ARHGAP35: variants seen among roughly 807,000 people sequenced by gnomAD.
ARHGAP35 encodes the protein rho GTPase-activating protein 35.
A neutral mutation model predicts 111.1 loss-of-function variants in ARHGAP35; 15 were observed. The observed-to-expected ratio is 0.13, with a 90% confidence interval of 0.09 to 0.21. The LOEUF (loss-of-function observed/expected upper bound fraction) is 0.21, where lower values mean the gene tolerates loss of function less well. ARHGAP35 is among the 10% of genes least tolerant of loss of function. The pLI, the probability that ARHGAP35 is intolerant of heterozygous loss-of-function variation, is 1.00. For synonymous variants in ARHGAP35, 643 were observed against 710.3 expected (o/e 0.91, Z 1.51); for missense variants, 1,262 against 1,873.0 (o/e 0.67, Z 6.02).
intron 3 of ARHGAP35, among the ~76,000 whole-genome samples, chr19:46,966,614 C>T (rs1385580455): frequency 1.3e-5 from 2 of 152,140 alleles, no homozygotes; most frequent in African/African-American, 2.4e-5. Flanking sequence ...AGTCATGACA[C>T]CTCTCTGCTT....
rs139281377 is a variant in ARHGAP35, at chr19:46,953,333, G to C, written c.3826+15925G>C. Among the ~76,000 whole-genome samples, 1,196 of 152,282 alleles carry C rather than the reference G, an allele frequency of 7.9e-3. 8 individuals are homozygous for C. Among genetic ancestry groups the C allele is most frequent in the African/African-American group, 0.027 (1,120 of 41,544 alleles). On this transcript the variant is annotated intron_variant, in intron 3 of 6. Transcript: ENST00000672722. ...ATTTTAGATAAGGAGGGCTGGGGAAGAGTGGCTTTTGAGAAGGTCCTGAAG... is the reference window on the plus strand; with the variant it reads ...ATTTTAGATAAGGAGGGCTGGGGAACAGTGGCTTTTGAGAAGGTCCTGAAG...
At chr19:46,863,052 CTTTTT>C (rs75493734) in intron 1 of ARHGAP35, among the ~76,000 whole-genome samples, 2 of 144,372 alleles carry the variant, frequency 1.4e-5, no homozygotes, top group African/African-American at 5.1e-5. Flanking sequence ...CCTTCCTCAC[CTTTTT>C]TTTTTTTTTC....
At chr19:46,959,633 C>A (rs1179569490) in intron 3 of ARHGAP35, among the ~76,000 whole-genome samples, 1 of 151,242 alleles carries the variant, frequency 6.6e-6, no homozygotes, top group Non-Finnish European at 1.5e-5. Context: ...CTCCTGACCT[C>A]GGGTGATCCA....
intron 1 of ARHGAP35, among the ~76,000 whole-genome samples, chr19:46,879,717 G>A (rs940587924): frequency 6.6e-6 from 1 of 151,678 alleles, no homozygotes. Flanking sequence ...CCGGGAGGCT[G>A]AGGTTACAGT....
chr19:46,875,823 T>A (rs1200266200), intron 1 of ARHGAP35, among the ~76,000 whole-genome samples: 1 of 152,140 alleles, frequency 6.6e-6, no homozygotes, highest in Non-Finnish European at 1.5e-5. Flanking sequence ...CACATGCTAT[T>A]GATTTGTTAT....
At chr19:46,866,593 A>G (rs1017706746) in intron 1 of ARHGAP35, among the ~76,000 whole-genome samples, 15 of 152,272 alleles carry the variant, frequency 9.9e-5, no homozygotes, top group Admixed American at 9.8e-4. Flanking sequence ...TTACCAAGTT[A>G]GAGTTGGAGC....
At chr19:46,973,461 C>T (rs1004310115) in intron 3 of ARHGAP35, among the ~76,000 whole-genome samples, 6 of 152,118 alleles carry the variant, frequency 3.9e-5, no homozygotes, top group African/African-American at 1.2e-4. Flanking sequence ...GAGGCCAAGG[C>T]GGGTGGATCC....
rs555967730 is a variant in ARHGAP35 at position 46,993,345 on chromosome 19, C to G, written c.4036+3670C>G. On this transcript the variant is annotated intron_variant, in intron 5 of 6. Coordinates refer to ENST00000672722, the MANE Select transcript of ARHGAP35 (RefSeq NM_004491.5). This position sits in a 1 kb window ranked among gnomAD's most constrained non-coding sequence, Gnocchi z 4.6. ...GATGGTCAGCGGCGGCCAGCAGGGA[C>G]TTTCCTCCAGGCACCGAGCTGGCAG... Among the ~76,000 whole-genome samples, 1 of 152,342 alleles carries G rather than the reference C, an allele frequency of 6.6e-6. No homozygotes were observed. The highest frequency in any genetic ancestry group is 2.1e-4 in the South Asian group (1 of 4,832).
At chr19:46,978,706 TG>T (rs2056597538) in intron 3 of ARHGAP35, among the ~76,000 whole-genome samples, 1 of 89,924 alleles carries the variant, frequency 1.1e-5, no homozygotes, top group African/African-American at 4.6e-5. Context: ...TGGTGGGGCA[TG>T]TGTGTGGTGG....
At chr19:46,955,487 G>C (rs2122255977) in intron 3 of ARHGAP35, among the ~76,000 whole-genome samples, 1 of 152,330 alleles carries the variant, frequency 6.6e-6, no homozygotes, top group South Asian at 2.1e-4. Flanking sequence ...CTTGGCAGCA[G>C]CTATGTCAGA....
rs2056376919 is a variant in ARHGAP35, at chr19:46,945,945, A to G, written c.3826+8537A>G. Among the ~76,000 whole-genome samples, 1 of 152,198 alleles carries G rather than the reference A, an allele frequency of 6.6e-6. No individual in the cohort carries two copies. The highest frequency in any genetic ancestry group is 1.9e-4 in the East Asian group (1 of 5,204). On this transcript the variant is annotated intron_variant, in intron 3 of 6. Coordinates refer to ENST00000672722, the MANE Select transcript of ARHGAP35 (RefSeq NM_004491.5). The surrounding 1 kb of genome is among the most constrained non-coding windows in gnomAD (Gnocchi z 4.1). ...TGACCAACCCTCCACATCTCTAGCCAGTGCTGTAGAGGCCGAGAAGAGGAA... is the reference window on the plus strand; with the variant it reads ...TGACCAACCCTCCACATCTCTAGCCGGTGCTGTAGAGGCCGAGAAGAGGAA...
rs761385440 is a variant in ARHGAP35 at position 46,920,181 on chromosome 19, G to A, written c.1506G>A (p.Leu502=). Residue 502 remains leucine (L), a synonymous_variant, in exon 2 of 7, where the codon TTG becomes TTA. Coordinates refer to ENST00000672722, the MANE Select transcript of ARHGAP35 (RefSeq NM_004491.5). The surrounding 1 kb of genome is among the most constrained non-coding windows in gnomAD (Gnocchi z 7.0). ...FQELLLEYSE[L]FYELELDAKP... is the part of the protein sequence containing the mutation. Reference sequence around the variant, plus strand: ...AGTTGCTTTTGGAATATTCAGAATTGTTTTATGAACTGGAGCTGGATGCTA... The same window carrying A: ...AGTTGCTTTTGGAATATTCAGAATTATTTTATGAACTGGAGCTGGATGCTA... The A allele has an allele frequency of 4.2e-5, 67 of 1,613,844 alleles. 1 individual carries two copies. The highest frequency in any genetic ancestry group is 2.9e-4 in the East Asian group (13 of 44,900).
rs869240851 is a variant in ARHGAP35, at chr19:46,915,929, CTTTTTTTT to C, written c.-188-2542_-188-2535del. 2.7e-3 allele frequency among the ~76,000 whole-genome samples: 302 copies of C among 113,564 alleles called. 2 individuals are homozygous for C. Among genetic ancestry groups the C allele is most frequent in the Middle Eastern group, 0.02 (4 of 204 alleles). The allele number at this position is 113,564 out of a possible 152,430, so 74.5% of individuals were successfully genotyped here. On this transcript the variant is annotated intron_variant, in intron 1 of 6. Transcript: ENST00000672722. ...TAGCCTTCAGGAAGGAATCCAAACT[CTTTTTTTT>C]TTTTTTTTTTTTTTTTAAGATGGAG...
intron 3 of ARHGAP35, among the ~76,000 whole-genome samples, chr19:46,987,218 C>CTTTTTTTTTTTTT (rs370500363): frequency 8.7e-6 from 1 of 115,592 alleles, no homozygotes; most frequent in Non-Finnish European, 1.8e-5. Context: ...TCTTTTTTTT[C>CTTTTTTTTTTTTT]TTTTTTTTTT....
chr19:46,873,451 G>C (rs1282726000), intron 1 of ARHGAP35, among the ~76,000 whole-genome samples: 3 of 151,886 alleles, frequency 2.0e-5, no homozygotes, highest in Non-Finnish European at 4.4e-5. Flanking sequence ...AGCCAACATT[G>C]GTGAAACCCC....
At chr19:46,888,907 G>A (rs918658063) in intron 1 of ARHGAP35, among the ~76,000 whole-genome samples, 2 of 152,092 alleles carry the variant, frequency 1.3e-5, no homozygotes, top group Admixed American at 6.6e-5. Context: ...TACTCAGGAG[G>A]CTGAGGCAGG....
In ARHGAP35 at chr19:46,918,874, G is replaced by T; in HGVS notation, c.199G>T (p.Val67Leu). 1 of 1,613,992 alleles carries T rather than the reference G, an allele frequency of 6.2e-7. No homozygotes were observed. Among genetic ancestry groups the T allele is most frequent in the Non-Finnish European group, 8.5e-7 (1 of 1,179,896 alleles). ...VLSTSDFGGRVVNNDHFLYWG... is the reference protein window; with the variant it reads ...VLSTSDFGGRLVNNDHFLYWG... Reference sequence around the variant, plus strand: ...CAGCACCAGTGACTTTGGAGGGCGAGTGGTCAATAATGACCACTTTCTCTA... The same window carrying T: ...CAGCACCAGTGACTTTGGAGGGCGATTGGTCAATAATGACCACTTTCTCTA... Residue 67 changes from valine to leucine, a missense_variant, in exon 2 of 7, where the codon GTG becomes TTG. Coordinates refer to ENST00000672722, the MANE Select transcript of ARHGAP35 (RefSeq NM_004491.5). This position sits in a 1 kb window ranked among gnomAD's most constrained non-coding sequence, Gnocchi z 5.4.
chr19:46,880,964 T>C (rs1291607596), intron 1 of ARHGAP35, among the ~76,000 whole-genome samples: 2 of 150,742 alleles, frequency 1.3e-5, no homozygotes, highest in African/African-American at 4.9e-5. Flanking sequence ...TTTTTTTTTT[T>C]TTGAGATGGA....
At chr19:46,968,290 T>C (rs2056526592) in intron 3 of ARHGAP35, among the ~76,000 whole-genome samples, 1 of 152,154 alleles carries the variant, frequency 6.6e-6, no homozygotes, top group South Asian at 2.1e-4. Context: ...GCACAGCATG[T>C]GTGTTGCTGA....
Sources: gnomAD v4.1 joint callset for allele counts (sites outside exome capture counted in the v4.1 genomes callset) on GRCh38, gnomAD v4.1.1 for gene constraint, Gnocchi (gnomAD v3.1) non-coding constraint, MANE v1.5 for transcripts, NCBI Gene and HGNC (gene_info 2026-07-23, HGNC 2026-07-21) for gene names.